The following PLB1 variants were observed in gnomAD, a reference collection of about 807,000 sequenced individuals.
PLB1 encodes the protein phospholipase B1, membrane-associated.
Under a neutral mutation model 227.4 loss-of-function variants are expected in PLB1, and 242 were observed. The observed-to-expected ratio is 1.06, with a 90% CI of 0.96 to 1.18. The LOEUF is 1.18. Among genes scored for constraint, PLB1 ranks in the 50% most tolerant of loss-of-function variants. The pLI, the probability that PLB1 is intolerant of heterozygous loss-of-function variation, is 0.00. For synonymous variants in PLB1, 757 were observed against 682.2 expected (o/e 1.11, Z -1.71); for missense variants, 1,858 against 1,816.3 (o/e 1.02, Z -0.42).
In PLB1 at chr2:28,602,887, G is replaced by A. The variant is rs770141162; in HGVS notation, c.2740G>A (p.Gly914Arg). ...NPTIMRQVFL[G>R]NPDKCPVQQA... ...CACTATCATGCGGCAGGTGTTCCTG[G>A]GAAACCCAGACAAGTGCCCAGTGCA... The change falls in exon 39 of 58, where the codon GGA (glycine) becomes AGA (arginine). Residue 914 changes from glycine (G) to arginine (R), a missense_variant. Coordinates refer to ENST00000327757, the MANE Select transcript of PLB1 (RefSeq NM_153021.5). 6.2e-7 allele frequency: 1 copy of A among 1,614,172 alleles called. No individual in the cohort carries two copies. The highest frequency in any genetic ancestry group is 8.5e-7 in the Non-Finnish European group (1 of 1,180,022).
chr2:28,552,335 G>C (rs1053877106), intron 16 of PLB1, among the ~76,000 whole-genome samples: 3 of 152,198 alleles, frequency 2.0e-5, no homozygotes, highest in African/African-American at 7.2e-5. Context: ...TGGATGCAGG[G>C]AAATATGGAG....
At chr2:28,619,918 A>G (rs571272142) in intron 46 of PLB1, among the ~76,000 whole-genome samples, 1 of 152,268 alleles carries the variant, frequency 6.6e-6, no homozygotes, top group South Asian at 2.1e-4. Flanking sequence ...GTGCAGGAGT[A>G]ACAGAAACTG....
chr2:28,617,780 A>G lies in PLB1; in HGVS notation c.3249A>G (p.Pro1083=), dbSNP rs201486484. The part of the protein sequence containing the change: ...CTEWKASNSV[P]TSVHQLRPAD... ...AGTGGAAGGCTTCCAATAGTGTTCC[A>G]ACCTCTGGTGAGTGAAAACATCATC... is the stretch of plus-strand genomic sequence containing the variant. The change falls in exon 45 of 58, where the codon CCA becomes CCG. Residue 1083 remains proline (P), a synonymous_variant. Coordinates refer to ENST00000327757, the MANE Select transcript of PLB1 (RefSeq NM_153021.5). 7 of 1,613,990 alleles carry G rather than the reference A, an allele frequency of 4.3e-6. No individual in the cohort carries two copies. The African/African-American group carries it at 9.3e-5, about 22-fold the overall frequency.
chr2:28,626,321 G>A lies in PLB1; in HGVS notation c.3580-107G>A, dbSNP rs865840991. 6.9e-6 allele frequency: 6 copies of A among 865,578 alleles called. No individual in the cohort carries two copies. In the Middle Eastern group the frequency reaches 1.2e-3, roughly 176 times the overall value. 53.6% of individuals were successfully genotyped at this position (865,578 alleles called of 1,614,324 possible). ...CAATTTGCTGCTTTTCTCTGTTACA[G>A]TATAAATAAGACAAAAGGCACTTGG... is the stretch of plus-strand genomic sequence containing the variant. On this transcript the variant is annotated intron_variant, in intron 50 of 57. Coordinates refer to ENST00000327757, the MANE Select transcript of PLB1 (RefSeq NM_153021.5).
At chr2:28,536,663 G>T (rs188035841) in intron 9 of PLB1, among the ~76,000 whole-genome samples, 7 of 152,204 alleles carry the variant, frequency 4.6e-5, no homozygotes, top group Non-Finnish European at 7.3e-5. Flanking sequence ...AAACCAGGGG[G>T]CAAACGATAC....
At chr2:28,535,959 C>T (rs1342591697) in intron 9 of PLB1, among the ~76,000 whole-genome samples, 1 of 152,018 alleles carries the variant, frequency 6.6e-6, no homozygotes, top group Non-Finnish European at 1.5e-5. Context: ...CTGTAGAGAC[C>T]CAGGGGCCAC....
At chr2:28,591,581 C>G (rs1681943710) in intron 30 of PLB1, 119 bp from the exon 31 acceptor site, 1 of 1,030,552 alleles carries the variant, frequency 9.7e-7, no homozygotes, top group African/African-American at 1.6e-5. Flanking sequence ...TTTTGAGGCC[C>G]CTCCCTAGGA....
At position 28,529,301 on chromosome 2, in the gene PLB1, C is replaced by T. The variant is rs752356103; in HGVS notation, c.326-16C>T. 2 of 1,583,694 alleles carry T rather than the reference C, an allele frequency of 1.3e-6. No homozygotes were observed. Among genetic ancestry groups the T allele is most frequent in the Non-Finnish European group, 1.7e-6 (2 of 1,152,548 alleles). On this transcript the variant is annotated splice_polypyrimidine_tract_variant and intron_variant, in intron 6 of 57. Transcript: ENST00000327757. ...AGCTGGTGAAGGCCAGGGCCTCAAA[C>T]CAGTTCTCTCTTTAGTCCTTTCAGA... is the stretch of plus-strand genomic sequence containing the variant.
At chr2:28,566,249 T>TG (rs34700848) in intron 19 of PLB1, among the ~76,000 whole-genome samples, 36,213 of 151,282 alleles carry the variant, frequency 0.24, 4,716 homozygotes, top group East Asian at 0.56. Flanking sequence ...CAGAATGGGG[T>TG]GGGGGGGTGT....
At chr2:28,562,194 C>T (rs144550474) in intron 17 of PLB1, among the ~76,000 whole-genome samples, 27 of 152,202 alleles carry the variant, frequency 1.8e-4, no homozygotes, top group African/African-American at 5.8e-4. Context: ...GACTAAATGC[C>T]ACTGAACTGT....
At chr2:28,553,447 A>G (rs1303040039) in intron 17 of PLB1, among the ~76,000 whole-genome samples, 2 of 152,216 alleles carry the variant, frequency 1.3e-5, no homozygotes, top group Non-Finnish European at 2.9e-5. Flanking sequence ...CGCCATCTTC[A>G]CTGCCTCTCA....
intron 37 of PLB1, 31 bp from the exon 38 acceptor site, chr2:28,601,868 C>T (rs774180225): frequency 1.3e-6 from 2 of 1,536,762 alleles, no homozygotes; most frequent in South Asian, 2.2e-5. Flanking sequence ...CTAACCAGTT[C>T]CTCCTTTTCC....
At chr2:28,567,229 G>T (rs1047213980) in intron 20 of PLB1, among the ~76,000 whole-genome samples, 2 of 144,682 alleles carry the variant, frequency 1.4e-5, no homozygotes, top group African/African-American at 5.4e-5. Context: ...AAAGAAACCC[G>T]GTTGTGCGGC....
At chr2:28,636,061 A>ATG (rs1553467868) in intron 56 of PLB1, among the ~76,000 whole-genome samples, 4 of 139,998 alleles carry the variant, frequency 2.9e-5, no homozygotes, top group South Asian at 4.4e-4. Context: ...GTATGTGTGT[A>ATG]TGTATGTATG....
intron 4 of PLB1, among the ~76,000 whole-genome samples, chr2:28,525,041 G>A (rs1179839706): frequency 6.6e-6 from 1 of 151,996 alleles, no homozygotes; most frequent in Non-Finnish European, 1.5e-5. Flanking sequence ...TAGAGATGGG[G>A]TTTCGTCATA....
At chr2:28,532,073 C>A in intron 8 of PLB1, 35 bp from the exon 9 acceptor site, 1 of 1,530,028 alleles carries the variant, frequency 6.5e-7, no homozygotes, top group Non-Finnish European at 9.0e-7. Flanking sequence ...GGTCTTAACA[C>A]AATCTCCTTT....
chr2:28,630,495 G>A (rs1310049273), intron 53 of PLB1, 91 bp from the exon 54 acceptor site: 4 of 1,107,888 alleles, frequency 3.6e-6, no homozygotes, highest in Non-Finnish European at 1.3e-6. Context: ...CCCTGGGGTA[G>A]TGGCCTGCTC....
intron 56 of PLB1, among the ~76,000 whole-genome samples, chr2:28,633,600 T>C (rs1159448683): frequency 6.6e-6 from 1 of 152,218 alleles, no homozygotes; most frequent in Non-Finnish European, 1.5e-5. Context: ...CCGAGGCTGA[T>C]ACCTATTCCA....
chr2:28,593,937 T>C, intron 33 of PLB1, 183 bp downstream of exon 33: 1 of 737,854 alleles, frequency 1.4e-6, no homozygotes, highest in Admixed American at 2.0e-5. Context: ...GATATTTTAC[T>C]GTTGATAATC....
Sources: gnomAD v4.1 joint callset for allele counts (sites outside exome capture counted in the v4.1 genomes callset) on GRCh38, gnomAD v4.1.1 for gene constraint, MANE v1.5 for transcripts, NCBI Gene and HGNC (gene_info 2026-07-23, HGNC 2026-07-21) for gene names.